The following REPS1 variants were observed in gnomAD, a reference collection of about 807,000 sequenced individuals.
REPS1 encodes the protein ralBP1-associated Eps domain-containing protein 1.
A neutral mutation model predicts 100.9 loss-of-function variants in REPS1; 39 were observed. The ratio of observed to expected loss-of-function variants is 0.39; its 90% CI spans 0.30 to 0.50. REPS1 has a LOEUF of 0.50. REPS1 is among the 20% of genes least tolerant of loss of function. The probability of loss-of-function intolerance (pLI) is 0.86; values close to 1 mark genes in which losing one functional copy is unlikely to be tolerated. For synonymous variants in REPS1, 324 were observed against 340.3 expected (o/e 0.95, Z 0.53); for missense variants, 821 against 968.5 (o/e 0.85, Z 2.02).
intron 1 of REPS1, among the ~76,000 whole-genome samples, chr6:138,965,324 T>C (rs1315057299): frequency 6.6e-6 from 1 of 151,980 alleles, no homozygotes; most frequent in African/African-American, 2.4e-5. Context: ...TTATTTGTAT[T>C]ATCTACATTA....
intron 1 of REPS1, among the ~76,000 whole-genome samples, chr6:138,951,436 A>G (rs1783032640): frequency 6.6e-6 from 1 of 152,182 alleles, no homozygotes; most frequent in Non-Finnish European, 1.5e-5. Flanking sequence ...TTCCTAACAT[A>G]GAACCTTCCT....
At position 138,975,657 on chromosome 6, in the gene REPS1, A is replaced by C. The variant is rs147940931; in HGVS notation, c.153+11873T>G. Among the ~76,000 whole-genome samples, 372 of 152,196 alleles carry C rather than the reference A, an allele frequency of 2.4e-3. 1 individual carries two copies. The highest frequency in any genetic ancestry group is 8.5e-3 in the African/African-American group (352 of 41,508). On this transcript the variant is annotated intron_variant, in intron 1 of 19. Transcript: ENST00000450536. ...AGACCAGCCTGGCCAACATGATGAA[A>C]CCCCATCTCTACTAAAAAATACAAA...
chr6:138,927,265 A>G (rs1781199284), intron 9 of REPS1: 3 of 152,182 alleles, frequency 2.0e-5, no homozygotes, highest in African/African-American at 7.2e-5. Context: ...TTTGATATGA[A>G]ATACTACTCT....
chr6:138,918,091 GTT>G (rs1554284852), intron 12 of REPS1, among the ~76,000 whole-genome samples: 3 of 145,868 alleles, frequency 2.1e-5, no homozygotes, highest in African/African-American at 7.7e-5. Flanking sequence ...GTGTGTGTAT[GTT>G]TGTGTGTGTG....
chr6:138,910,414 C>T (rs1024315335), intron 17 of REPS1, among the ~76,000 whole-genome samples: 2 of 151,928 alleles, frequency 1.3e-5, no homozygotes, highest in African/African-American at 4.8e-5. Flanking sequence ...GAGTGTAGGG[C>T]ACTATCTCAG....
rs747768925 is a variant in REPS1 at position 138,921,070 on chromosome 6, T to G, written c.1393A>C (p.Met465Leu). Residue 465 changes from methionine (M) to leucine (L), a missense_variant, in exon 11 of 20, where the codon ATG (methionine) becomes CTG (leucine). Met to Leu is a conservative substitution (Grantham distance 15, BLOSUM62 2). Coordinates refer to ENST00000450536, the MANE Select transcript of REPS1 (RefSeq NM_001286611.2). ...PIRMTPSKIHMQEMELKRTGS... is the reference protein window; with the variant it reads ...PIRMTPSKIHLQEMELKRTGS... The stretch of plus-strand genomic sequence containing the variant: ...GTTCTTTTAAGTTCCATTTCCTGCA[T>G]GTGGATTTTGCTTGGAGTCATACGA... 5 of 1,613,158 alleles carry G rather than the reference T, an allele frequency of 3.1e-6. No individual in the cohort carries two copies. Among genetic ancestry groups the G allele is most frequent in the Non-Finnish European group, 3.4e-6 (4 of 1,179,496 alleles).
In REPS1 at chr6:138,911,337, C is replaced by T. The variant is rs765476170; in HGVS notation, c.2006G>A (p.Arg669Gln). Residue 669 changes from arginine (R) to glutamine (Q), a missense_variant, in exon 17 of 20, where the codon CGA (arginine) becomes CAA (glutamine). Arg to Gln is a conservative substitution (Grantham distance 43, BLOSUM62 1). This residue lies in a region of REPS1 where 757 missense variants were observed against 866.4 expected (regional missense o/e 0.87). Transcript: ENST00000450536. Reference sequence around the variant, plus strand: ...AGTTTTACTATCTGTTTTGGCAACTCGAAGAGAACTTGCAGGATCAGAAGC... The same window carrying T: ...AGTTTTACTATCTGTTTTGGCAACTTGAAGAGAACTTGCAGGATCAGAAGC... ...EKASDPASSL[R>Q]VAKTDSKTEE... 12 of 1,613,500 alleles carry T rather than the reference C, an allele frequency of 7.4e-6. No homozygotes were observed. The highest frequency in any genetic ancestry group is 5.0e-5 in the Admixed American group (3 of 59,980).
chr6:138,932,907 C>T (rs1014152929), intron 8 of REPS1, among the ~76,000 whole-genome samples: 1 of 152,168 alleles, frequency 6.6e-6, no homozygotes, highest in East Asian at 1.9e-4. Flanking sequence ...TGTATATCCA[C>T]GTCCATAATC....
chr6:138,923,683 C>G (rs1780922181), intron 10 of REPS1, among the ~76,000 whole-genome samples: 1 of 152,072 alleles, frequency 6.6e-6, no homozygotes, highest in Admixed American at 6.5e-5. Context: ...GAAACAAGAC[C>G]ATCAGAATCT....
chr6:138,964,017 T>C (rs1783880071), intron 1 of REPS1, among the ~76,000 whole-genome samples: 1 of 152,202 alleles, frequency 6.6e-6, no homozygotes, highest in Non-Finnish European at 1.5e-5. Flanking sequence ...TTGAGATACT[T>C]ATCAGTTATA....
Position 138,987,839 on chromosome 6 carries a change from C to A in REPS1, c.-157G>T. On this transcript the variant is annotated 5_prime_UTR_variant, in exon 1 of 20. Transcript: ENST00000450536. The stretch of plus-strand genomic sequence containing the variant: ...ACACGCGCCAGGTGCGCCCGAGCAA[C>A]AGGGCCCGGAGGTCGCGAGGAGGGG... The A allele has an allele frequency of 1.1e-6, 1 of 893,068 alleles. No individual in the cohort carries two copies. The highest frequency in any genetic ancestry group is 1.5e-6 in the Non-Finnish European group (1 of 668,426). 55.3% of individuals were successfully genotyped at this position (893,068 alleles called of 1,614,324 possible).
intron 1 of REPS1, among the ~76,000 whole-genome samples, chr6:138,955,720 A>G (rs565898342): frequency 9.9e-5 from 15 of 152,144 alleles, no homozygotes; most frequent in Admixed American, 2.6e-4. Context: ...AAGATAAACT[A>G]GACTGTAGTT....
chr6:138,906,644 G>A (rs1265326939), intron 19 of REPS1, among the ~76,000 whole-genome samples: 1 of 152,208 alleles, frequency 6.6e-6, no homozygotes, highest in Non-Finnish European at 1.5e-5. Flanking sequence ...TTAGGAGAAT[G>A]AACTAACTGC....
At position 138,915,878 on chromosome 6, in the gene REPS1, C is replaced by T. The variant is rs1780340480; in HGVS notation, c.1700G>A (p.Arg567Gln). ...HSRSSSLDMN[R>Q]TFTVTTGQQQ... ...CCTACCTGTGGTGACTGTAAAGGTC[C>T]GATTCATATCTAAAGATGATGATCT... The change falls in exon 14 of 20, where the codon CGG (arginine) becomes CAG (glutamine). Residue 567 changes from arginine to glutamine, a missense_variant. Arg to Gln is a conservative substitution (Grantham distance 43, BLOSUM62 1). Transcript: ENST00000450536. The T allele has an allele frequency of 1.9e-6, 3 of 1,611,348 alleles. No homozygotes were observed. Among genetic ancestry groups the T allele is most frequent in the African/African-American group, 1.3e-5 (1 of 74,714 alleles).
At chr6:138,937,005 C>G (rs1038615602) in intron 8 of REPS1, among the ~76,000 whole-genome samples, 1 of 152,166 alleles carries the variant, frequency 6.6e-6, no homozygotes, top group Non-Finnish European at 1.5e-5. Flanking sequence ...AATGGACTTA[C>G]AGTTCCACAT....
chr6:138,980,664 CTTTTT>C (rs57774339), intron 1 of REPS1, among the ~76,000 whole-genome samples: 10 of 45,006 alleles, frequency 2.2e-4, no homozygotes, highest in African/African-American at 4.1e-4. Flanking sequence ...TTCTTTTTTC[CTTTTT>C]TTTTTGTGGG....
At chr6:138,971,750 T>C (rs937822505) in intron 1 of REPS1, among the ~76,000 whole-genome samples, 10 of 152,114 alleles carry the variant, frequency 6.6e-5, no homozygotes, top group South Asian at 4.1e-4. Flanking sequence ...AGAATGTTGA[T>C]TGGGGTGGGG....
At chr6:138,910,737 A>G (rs1211056253) in intron 17 of REPS1, among the ~76,000 whole-genome samples, 1 of 152,194 alleles carries the variant, frequency 6.6e-6, no homozygotes, top group Non-Finnish European at 1.5e-5. Context: ...TAAAACATAT[A>G]AGGATTGACA....
At chr6:138,951,724 GTT>G (rs1295003911) in intron 1 of REPS1, among the ~76,000 whole-genome samples, 1 of 152,092 alleles carries the variant, frequency 6.6e-6, no homozygotes, top group Non-Finnish European at 1.5e-5. Context: ...GCTCTCATAT[GTT>G]TTTCAGTTTC....
Sources: gnomAD v4.1 joint callset for allele counts (sites outside exome capture counted in the v4.1 genomes callset) on GRCh38, gnomAD v4.1.1 for gene constraint, gnomAD v4.1.1 regional missense constraint, MANE v1.5 for transcripts, NCBI Gene and HGNC (gene_info 2026-07-23, HGNC 2026-07-21) for gene names.